CDK14: variants seen among roughly 807,000 people sequenced by gnomAD.
CDK14 encodes cyclin-dependent kinase 14.
Under a neutral mutation model 60.7 loss-of-function variants are expected in CDK14, and 34 were observed. The observed-to-expected ratio is 0.56, with a 90% CI of 0.43 to 0.75. CDK14 has a LOEUF of 0.75. Among genes scored for constraint, CDK14 ranks in the 30% least tolerant of loss-of-function variants. CDK14 has a pLI of 0.00. For missense variants in CDK14, 482 were observed against 564.1 expected (o/e 0.85, Z 1.47); for synonymous variants, 197 against 203.7 (o/e 0.97, Z 0.28).
chr7:90,600,603 CTG>C (rs1799295048), intron 1 of CDK14, among the ~76,000 whole-genome samples: 1 of 152,172 alleles, frequency 6.6e-6, no homozygotes, highest in Non-Finnish European at 1.5e-5. Context: ...TGTGCTGTAA[CTG>C]TGTAATTCTA....
chr7:90,620,917 C>A (rs142049995), intron 2 of CDK14, among the ~76,000 whole-genome samples: 2 of 152,290 alleles, frequency 1.3e-5, no homozygotes, highest in African/African-American at 2.4e-5. Flanking sequence ...CACTTCTGCC[C>A]ATCACAGTGG....
At chr7:90,798,365 C>T in intron 5 of CDK14, among the ~76,000 whole-genome samples, 1 of 152,078 alleles carries the variant, frequency 6.6e-6, no homozygotes, top group East Asian at 1.9e-4. Context: ...CCCATTAATA[C>T]TTCTGGAAGT....
At chr7:91,060,028 G>A (rs28865872) in intron 11 of CDK14, among the ~76,000 whole-genome samples, 1 of 152,008 alleles carries the variant, frequency 6.6e-6, no homozygotes, top group Non-Finnish European at 1.5e-5. Context: ...CATTATTATT[G>A]TGTGGGAGTC....
intron 2 of CDK14, among the ~76,000 whole-genome samples, chr7:90,639,906 C>T (rs184225602): frequency 5.3e-5 from 8 of 152,230 alleles, no homozygotes; most frequent in East Asian, 3.9e-4. Context: ...ACTCCGTGGG[C>T]GTAGGACCCT....
At chr7:90,665,074 G>A (rs1262513289) in intron 2 of CDK14, among the ~76,000 whole-genome samples, 1 of 152,056 alleles carries the variant, frequency 6.6e-6, no homozygotes. Flanking sequence ...TGGGTCAGGA[G>A]TTCGAGACCA....
At chr7:91,205,103 A>G (rs1802849470) in intron 14 of CDK14, among the ~76,000 whole-genome samples, 1 of 152,206 alleles carries the variant, frequency 6.6e-6, no homozygotes, top group Non-Finnish European at 1.5e-5. Flanking sequence ...GTGAAATGGT[A>G]CAGCCATGAT....
chr7:91,007,386 A>C (rs1353089392), intron 10 of CDK14, among the ~76,000 whole-genome samples: 2 of 152,228 alleles, frequency 1.3e-5, no homozygotes, highest in Non-Finnish European at 2.9e-5. Flanking sequence ...GGACTTACCA[A>C]AGCATACACT....
chr7:91,058,146 A>C (rs1205796258), intron 11 of CDK14, among the ~76,000 whole-genome samples: 1 of 151,926 alleles, frequency 6.6e-6, no homozygotes, highest in African/African-American at 2.4e-5. Context: ...GGATTCCTAG[A>C]TATTTTATTC....
chr7:91,202,217 A>G (rs1280828915), intron 14 of CDK14, among the ~76,000 whole-genome samples: 1 of 152,218 alleles, frequency 6.6e-6, no homozygotes, highest in African/African-American at 2.4e-5. Flanking sequence ...CATTATGGGT[A>G]CGGGCGATCC....
intron 9 of CDK14, among the ~76,000 whole-genome samples, chr7:90,964,152 G>A (rs533946306): frequency 3.6e-4 from 55 of 152,318 alleles, no homozygotes; most frequent in Non-Finnish European, 6.8e-4. Context: ...TATGTTTTGT[G>A]TATAAGGTTG....
At chr7:90,826,516 C>G (rs1031549882) in intron 5 of CDK14, among the ~76,000 whole-genome samples, 1 of 152,150 alleles carries the variant, frequency 6.6e-6, no homozygotes, top group African/African-American at 2.4e-5. Context: ...CGCATTCAGC[C>G]TCTTCAGTTT....
At chr7:91,198,860 C>A (rs1253060883) in intron 14 of CDK14, among the ~76,000 whole-genome samples, 1 of 152,114 alleles carries the variant, frequency 6.6e-6, no homozygotes, top group African/African-American at 2.4e-5. Flanking sequence ...AAAAAGAAAT[C>A]CACCCAAAGT....
intron 14 of CDK14, among the ~76,000 whole-genome samples, chr7:91,169,744 A>G (rs924286855): frequency 6.6e-6 from 1 of 152,224 alleles, no homozygotes; most frequent in East Asian, 1.9e-4. Flanking sequence ...ATTTGTGTTT[A>G]AGCTGTCAAT....
intron 1 of CDK14, among the ~76,000 whole-genome samples, chr7:90,598,045 GA>G (rs1304252381): frequency 8.5e-5 from 13 of 152,310 alleles, no homozygotes; most frequent in Non-Finnish European, 1.3e-4. Flanking sequence ...GTGAGAGAGG[GA>G]AATGTTGAGT....
At chr7:91,059,625 A>G (rs1797713284) in intron 11 of CDK14, among the ~76,000 whole-genome samples, 1 of 152,150 alleles carries the variant, frequency 6.6e-6, no homozygotes, top group Non-Finnish European at 1.5e-5. Context: ...CATTGGTTTC[A>G]AAGAACATCT....
intron 9 of CDK14, among the ~76,000 whole-genome samples, chr7:90,963,653 T>A (rs1184972125): frequency 6.6e-6 from 1 of 150,970 alleles, no homozygotes; most frequent in Non-Finnish European, 1.5e-5. Flanking sequence ...ATTATGTGCG[T>A]ATTGAGGGAG....
At chr7:91,060,123 C>G (rs2116109371) in intron 11 of CDK14, among the ~76,000 whole-genome samples, 1 of 152,144 alleles carries the variant, frequency 6.6e-6, no homozygotes, top group Non-Finnish European at 1.5e-5. Context: ...ATAGTTAGCT[C>G]TTCTTGTTGA....
intron 4 of CDK14, among the ~76,000 whole-genome samples, chr7:90,771,283 G>T (rs1008341633): frequency 6.6e-6 from 1 of 152,094 alleles, no homozygotes; most frequent in Non-Finnish European, 1.5e-5. Context: ...GCCTTGCTTG[G>T]TATCTCTTTT....
intron 10 of CDK14, among the ~76,000 whole-genome samples, chr7:91,037,241 G>T (rs1467543841): frequency 6.6e-6 from 1 of 152,140 alleles, no homozygotes; most frequent in African/African-American, 2.4e-5. Flanking sequence ...TCAGCCATCA[G>T]AATACTACAC....
Sources: allele counts gnomAD v4.1 joint callset (sites outside exome capture counted in the v4.1 genomes callset), GRCh38; gene constraint gnomAD v4.1.1; transcripts MANE v1.5; gene names NCBI Gene and HGNC (gene_info 2026-07-23, HGNC 2026-07-21).